The following REV3L variants were observed in gnomAD, a reference collection of about 807,000 sequenced individuals.
REV3L encodes REV3 like, DNA directed polymerase zeta catalytic subunit, also known as DNA polymerase zeta catalytic subunit.
REV3L carries 69 observed loss-of-function variants against 299.4 expected under a neutral mutation model. The ratio of observed to expected loss-of-function variants is 0.23; its 90% CI spans 0.19 to 0.28. The LOEUF is 0.28. Ranked by LOEUF, REV3L falls within the 10% of genes least tolerant of loss-of-function variation. REV3L has a pLI of 1.00. For missense variants in REV3L, 3,128 were observed against 3,693.8 expected (o/e 0.85, Z 3.97); for synonymous variants, 1,238 against 1,271.4 (o/e 0.97, Z 0.56).
intron 17 of REV3L, among the ~76,000 whole-genome samples, chr6:111,358,474 T>C (rs566252724): frequency 7.9e-5 from 12 of 152,196 alleles, no homozygotes; most frequent in Admixed American, 1.3e-4. Context: ...AATAAATAAA[T>C]GGGGTCTTGC....
intron 6 of REV3L, among the ~76,000 whole-genome samples, chr6:111,389,720 GTCAT>G (rs1340654731): frequency 3.5e-5 from 5 of 141,118 alleles, no homozygotes; most frequent in Admixed American, 2.9e-4. Flanking sequence ...TTCCATTTTG[GTCAT>G]TAATTTTTTT....
intron 2 of REV3L, among the ~76,000 whole-genome samples, chr6:111,415,845 C>A (rs1040906731): frequency 2.0e-5 from 3 of 152,096 alleles, no homozygotes; most frequent in Non-Finnish European, 2.9e-5. Flanking sequence ...TCCTTCCACA[C>A]GACTAATTAT....
intron 1 of REV3L, among the ~76,000 whole-genome samples, chr6:111,437,978 G>A (rs1357232704): frequency 2.6e-5 from 4 of 151,678 alleles, no homozygotes; most frequent in Admixed American, 6.6e-5. Context: ...TCAGCCTCTC[G>A]AGTAGCTGGA....
intron 23 of REV3L, among the ~76,000 whole-genome samples, chr6:111,332,236 TAATTTTTTGCATTTTTAGTAGAGAC>T (rs1207560742): frequency 6.6e-6 from 1 of 152,092 alleles, no homozygotes; most frequent in African/African-American, 2.4e-5. Flanking sequence ...CATACCCGGC[TAATTTTTTGCATTTTTAGTAGAGAC>T]AGGGTTTCCT....
At chr6:111,396,836 C>T (rs1332618837) in intron 4 of REV3L, among the ~76,000 whole-genome samples, 2 of 152,202 alleles carry the variant, frequency 1.3e-5, no homozygotes, top group Non-Finnish European at 1.5e-5. Flanking sequence ...GGCCAGGTTT[C>T]CTATTTCTTC....
intron 9 of REV3L, among the ~76,000 whole-genome samples, chr6:111,386,024 T>G (rs191533635): frequency 2.8e-4 from 43 of 152,356 alleles, no homozygotes; most frequent in Admixed American, 9.8e-4. Context: ...GACTTCTGAG[T>G]AAAACTTTTA....
chr6:111,425,211 C>T lies in REV3L; in HGVS notation c.140-8739G>A, dbSNP rs538694487. On this transcript the variant is annotated intron_variant, in intron 1 of 31. Transcript: ENST00000368802. Reference sequence around the variant, plus strand: ...CGGTGGCTCATGCCTGTAATCCCAGCGTTTTGGGAGGCCGAGGCGGGCAGA... The same window carrying T: ...CGGTGGCTCATGCCTGTAATCCCAGTGTTTTGGGAGGCCGAGGCGGGCAGA... Among the ~76,000 whole-genome samples the T allele has an allele frequency of 3.9e-5, 6 of 152,278 alleles. No individual in the cohort carries two copies. The East Asian group carries it at 7.7e-4, about 20-fold the overall frequency.
chr6:111,429,676 T>G (rs1786631784), intron 1 of REV3L, among the ~76,000 whole-genome samples: 1 of 150,270 alleles, frequency 6.7e-6, no homozygotes, highest in Non-Finnish European at 1.5e-5. Flanking sequence ...TGGGGTGGAG[T>G]TATAGGAAAG....
chr6:111,382,399 A>C (rs960446715), intron 9 of REV3L, among the ~76,000 whole-genome samples: 3 of 152,228 alleles, frequency 2.0e-5, no homozygotes, highest in African/African-American at 4.8e-5. Context: ...ATCTGTGCTT[A>C]GGAGAGACAG....
intron 9 of REV3L, among the ~76,000 whole-genome samples, chr6:111,381,747 T>G (rs959776103): frequency 6.6e-6 from 1 of 152,128 alleles, no homozygotes; most frequent in Non-Finnish European, 1.5e-5. Flanking sequence ...ATATATAAAG[T>G]GAAAAGGAAA....
At chr6:111,445,397 T>A (rs993620491) in intron 1 of REV3L, among the ~76,000 whole-genome samples, 20 of 152,204 alleles carry the variant, frequency 1.3e-4, no homozygotes, top group African/African-American at 3.4e-4. Context: ...GCAATTTTTT[T>A]AAAAAACAGC....
rs1421966473 is a variant in REV3L, at chr6:111,481,698, C to T, written c.139+1052G>A. 2.0e-5 allele frequency among the ~76,000 whole-genome samples: 3 copies of T among 152,144 alleles called. 1 individual carries two copies. Among genetic ancestry groups the T allele is most frequent in the Non-Finnish European group, 2.9e-5 (2 of 68,032 alleles). Reference sequence around the variant, plus strand: ...ATTCATAGCTAGAGGGAAGAACAACCTTTCCTAAGATGCATTATTTCCTAG... The same window carrying T: ...ATTCATAGCTAGAGGGAAGAACAACTTTTCCTAAGATGCATTATTTCCTAG... On this transcript the variant is annotated intron_variant, in intron 1 of 31. Transcript: ENST00000368802.
chr6:111,422,317 T>G (rs945984949), intron 1 of REV3L, among the ~76,000 whole-genome samples: 1 of 151,920 alleles, frequency 6.6e-6, no homozygotes, highest in African/African-American at 2.4e-5. Context: ...TATGGCTGCT[T>G]ATGCTATAGA....
Position 111,375,317 on chromosome 6 carries a change from A to C in REV3L, c.3038T>G (p.Leu1013Arg). Residue 1013 changes from leucine (L) to arginine (R), a missense_variant, in exon 13 of 32, where the codon CTA becomes CGA. Transcript: ENST00000368802. ...QVILTEEKME[L>R]YKKLAPLKDF... is the part of the protein sequence containing the mutation. ...CTTCAAAGGTGCAAGCTTTTTATATAGTTCCATTTTTTCTTCTGTTAATAT... is the reference window on the plus strand; with the variant it reads ...CTTCAAAGGTGCAAGCTTTTTATATCGTTCCATTTTTTCTTCTGTTAATAT... The C allele has an allele frequency of 1.9e-6, 3 of 1,580,616 alleles. No individual in the cohort carries two copies. The highest frequency in any genetic ancestry group is 2.6e-6 in the Non-Finnish European group (3 of 1,171,948).
At chr6:111,388,898 A>G (rs1781614198) in intron 7 of REV3L, among the ~76,000 whole-genome samples, 1 of 152,224 alleles carries the variant, frequency 6.6e-6, no homozygotes, top group Non-Finnish European at 1.5e-5. Flanking sequence ...AAAAACGTCA[A>G]CTTCTTACAA....
Position 111,299,776 on chromosome 6 carries a change from A to AC in REV3L, c.*239dup. The AC allele has an allele frequency of 3.1e-6, 1 of 322,634 alleles. No homozygotes were observed. The highest frequency in any genetic ancestry group is 6.1e-5 in the East Asian group (1 of 16,484). 20.0% of individuals were successfully genotyped at this position (322,634 alleles called of 1,614,324 possible). On this transcript the variant is annotated 3_prime_UTR_variant, in exon 32 of 32. Coordinates refer to ENST00000368802, the MANE Select transcript of REV3L (RefSeq NM_001372078.1). ...GTACACATACTGGAGCAAATCCAAC[A>AC]CCTGCATTATAAAACAATGTTTAAA... is the stretch of plus-strand genomic sequence containing the variant.
rs903585051 is a variant in REV3L, at chr6:111,328,584, T to A, written c.8241+948A>T. On this transcript the variant is annotated intron_variant, in intron 25 of 31. Coordinates refer to ENST00000368802, the MANE Select transcript of REV3L (RefSeq NM_001372078.1). ...GCAGAAATAGGTGTATGCTAATTTC[T>A]AAAATTATCATTGGAATAAAGACAC... is the stretch of plus-strand genomic sequence containing the variant. Among the ~76,000 whole-genome samples, 3 of 152,190 alleles carry A rather than the reference T, an allele frequency of 2.0e-5. No individual in the cohort carries two copies. In the East Asian group the frequency reaches 5.8e-4, roughly 29 times the overall value.
intron 3 of REV3L, among the ~76,000 whole-genome samples, chr6:111,410,239 A>C (rs760123903): frequency 3.9e-5 from 6 of 152,226 alleles, no homozygotes; most frequent in East Asian, 1.9e-4. Flanking sequence ...ATGATGAATA[A>C]ATGAATGAAT....
chr6:111,339,194 T>C lies in REV3L; in HGVS notation c.7539-3584A>G, dbSNP rs1053979273. ...AGACGTACCAATTAATTAACATTTA[T>C]TGAGAGCCTTCTGTGTGTTGAAGAC... On this transcript the variant is annotated intron_variant, in intron 21 of 31. Transcript: ENST00000368802. 1.7e-4 allele frequency among the ~76,000 whole-genome samples: 26 copies of C among 152,146 alleles called. 1 individual carries two copies. The highest frequency in any genetic ancestry group is 6.3e-4 in the African/African-American group (26 of 41,452).
Sources: allele counts gnomAD v4.1 joint callset (sites outside exome capture counted in the v4.1 genomes callset), GRCh38; gene constraint gnomAD v4.1.1; transcripts MANE v1.5; gene names NCBI Gene and HGNC (gene_info 2026-07-23, HGNC 2026-07-21).